The following COBLL1 variants were observed in gnomAD, a reference collection of about 807,000 sequenced individuals.
COBLL1 encodes the protein cordon-bleu WH2 repeat protein like 1.
A neutral mutation model predicts 94.8 loss-of-function variants in COBLL1; 50 were observed. The observed-to-expected ratio is 0.53, with a 90% CI of 0.42 to 0.67. COBLL1 has a LOEUF of 0.67. COBLL1 is among the 30% of genes least tolerant of loss of function. The probability of loss-of-function intolerance (pLI) is 0.00; values close to 1 mark genes in which losing one functional copy is unlikely to be tolerated. For missense variants in COBLL1, 1,362 were observed against 1,348.7 expected (o/e 1.01, Z -0.15); for synonymous variants, 448 against 473.8 (o/e 0.95, Z 0.71).
At chr2:164,780,679 C>T (rs574019077) in intron 2 of COBLL1, among the ~76,000 whole-genome samples, 23 of 152,246 alleles carry the variant, frequency 1.5e-4, no homozygotes, top group African/African-American at 3.6e-4. Flanking sequence ...CTATTTATTC[C>T]ACAACCATTC....
chr2:164,806,255 C>T (rs1684150184), intron 2 of COBLL1, among the ~76,000 whole-genome samples: 1 of 152,066 alleles, frequency 6.6e-6, no homozygotes, highest in Non-Finnish European at 1.5e-5. Context: ...TATCTGTGTA[C>T]CACAAAACTG....
Position 164,680,225 on chromosome 2 carries a change from T to C in COBLL1, c.*5721A>G, listed in dbSNP as rs1191847126. On this transcript the variant is annotated 3_prime_UTR_variant, in exon 14 of 14. Transcript: ENST00000652658. ...AATAATTTATTTATTGACTTTATTATAATTTCAAACATGCAGACAAGTTAA... is the reference window on the plus strand; with the variant it reads ...AATAATTTATTTATTGACTTTATTACAATTTCAAACATGCAGACAAGTTAA... The C allele has an allele frequency of 1.3e-5, 2 of 151,874 alleles. No individual in the cohort carries two copies. Among genetic ancestry groups the C allele is most frequent in the East Asian group, 3.9e-4 (2 of 5,194 alleles). 9.4% of individuals were successfully genotyped at this position (151,874 alleles called of 1,614,324 possible). A position where few individuals can be genotyped will look rare whatever the true frequency, so the allele number is the denominator to read the frequency against.
At chr2:164,660,267 T>C (rs926486932) in intron 2 of COBLL1, among the ~76,000 whole-genome samples, 3 of 152,200 alleles carry the variant, frequency 2.0e-5, no homozygotes, top group Admixed American at 2.0e-4. Context: ...ATTAAGGCTG[T>C]ACGAGTTTGG....
intron 2 of COBLL1, among the ~76,000 whole-genome samples, chr2:164,757,505 G>T (rs1010700234): frequency 1.3e-5 from 2 of 151,952 alleles, no homozygotes; most frequent in Admixed American, 6.6e-5. Context: ...TTTTTACTGA[G>T]ATACAATTTA....
intron 2 of COBLL1, among the ~76,000 whole-genome samples, chr2:164,803,437 C>T (rs1012635862): frequency 4.0e-5 from 6 of 150,180 alleles, no homozygotes; most frequent in Non-Finnish European, 7.5e-5. Flanking sequence ...TAGTGGCGGG[C>T]GCCTGTAGTC....
intron 7 of COBLL1, among the ~76,000 whole-genome samples, chr2:164,721,580 C>T (rs779251757): frequency 1.2e-4 from 19 of 152,084 alleles, no homozygotes; most frequent in Non-Finnish European, 2.1e-4. Flanking sequence ...TTTCTTTTTT[C>T]ACTGTGGAGT....
Position 164,672,457 on chromosome 2 carries a change from G to A in COBLL1, n.127-6556C>T, listed in dbSNP as rs1400259922. ...CTCACGCCTGTAATCCCAGCACTTT[G>A]GGAGGCCGAGGCGGGTGGATCATGA... On this transcript the variant is annotated intron_variant and non_coding_transcript_variant, in intron 1 of 2. Transcript: ENST00000495084. Among the ~76,000 whole-genome samples, 4 of 152,026 alleles carry A rather than the reference G, an allele frequency of 2.6e-5. No homozygotes were observed. In the East Asian group the frequency reaches 7.7e-4, roughly 29 times the overall value.
In COBLL1 at chr2:164,841,301, G is replaced by A. The variant is rs969605222; in HGVS notation, c.-50-55C>T. 60 of 1,214,718 alleles carry A rather than the reference G, an allele frequency of 4.9e-5. No homozygotes were observed. The highest frequency in any genetic ancestry group is 6.0e-5 in the Non-Finnish European group (59 of 977,040). The allele number at this position is 1,214,718 out of a possible 1,614,324, so 75.2% of individuals were successfully genotyped here. On this transcript the variant is annotated intron_variant, in intron 1 of 13. Coordinates refer to ENST00000652658, the MANE Select transcript of COBLL1 (RefSeq NM_001365672.2). This position sits in a 1 kb window ranked among gnomAD's most constrained non-coding sequence, Gnocchi z 5.5. ...CGGGACGCGCGCCTTCCCGAGGCCGGAGCGAAGCTGGCTGAGCGTCAAGAG... is the reference window on the plus strand; with the variant it reads ...CGGGACGCGCGCCTTCCCGAGGCCGAAGCGAAGCTGGCTGAGCGTCAAGAG...
intron 2 of COBLL1, among the ~76,000 whole-genome samples, chr2:164,776,195 A>C (rs1688454611): frequency 6.6e-6 from 1 of 151,212 alleles, no homozygotes; most frequent in South Asian, 2.1e-4. Context: ...CCATGTCACC[A>C]TCTTAAAATG....
intron 12 of COBLL1, 90 bp downstream of exon 12, chr2:164,694,179 A>T: frequency 8.1e-7 from 1 of 1,242,092 alleles, no homozygotes; most frequent in Non-Finnish European, 1.1e-6. Flanking sequence ...GTTCAGAGTT[A>T]AGTAGCACAC....
chr2:164,818,337 T>TAA (rs1684942418), intron 2 of COBLL1, among the ~76,000 whole-genome samples: 4 of 149,694 alleles, frequency 2.7e-5, no homozygotes, highest in African/African-American at 9.9e-5. Context: ...TACATATATG[T>TAA]ATATATACAT....
Position 164,779,719 on chromosome 2 carries a change from A to C in COBLL1, c.42-35844T>G, listed in dbSNP as rs901027169. On this transcript the variant is annotated intron_variant, in intron 2 of 13. Transcript: ENST00000652658. ...AAGTCCCCTTTTAGCTCCTCCAAAC[A>C]GAGACCACACAGACTAGGGCCTTCC... 7.9e-5 allele frequency: 37 copies of C among 470,898 alleles called. No individual in the cohort carries two copies. In the Admixed American group the frequency reaches 8.5e-4, roughly 11 times the overall value. The allele number at this position is 470,898 out of a possible 1,614,324, so 29.2% of individuals were successfully genotyped here.
intron 7 of COBLL1, among the ~76,000 whole-genome samples, chr2:164,711,393 T>C (rs1365273422): frequency 6.6e-6 from 1 of 152,204 alleles, no homozygotes. Flanking sequence ...TACTCTCTGG[T>C]GACTGTGTTG....
chr2:164,698,414 G>A (rs1040198086), intron 11 of COBLL1: 6 of 150,076 alleles, frequency 4.0e-5, no homozygotes, highest in African/African-American at 1.5e-4. Flanking sequence ...ATATATATAA[G>A]TATGACATTG....
At chr2:164,786,468 T>C (rs1688961137) in intron 2 of COBLL1, among the ~76,000 whole-genome samples, 1 of 152,110 alleles carries the variant, frequency 6.6e-6, no homozygotes, top group Admixed American at 6.5e-5. Flanking sequence ...AACTGAGACA[T>C]TTCTGGAAAA....
rs763920574 is a variant in COBLL1 at position 164,722,420 on chromosome 2, C to T, written c.759+5G>A. 73 of 1,509,066 alleles carry T rather than the reference C, an allele frequency of 4.8e-5. No individual in the cohort carries two copies. The highest frequency in any genetic ancestry group is 6.4e-5 in the Non-Finnish European group (72 of 1,123,486). 93.5% of individuals were successfully genotyped at this position (1,509,066 alleles called of 1,614,324 possible). On this transcript the variant is annotated splice_donor_5th_base_variant and intron_variant, in intron 6 of 13. Transcript: ENST00000652658. Reference sequence around the variant, plus strand: ...TTACAAAATGCAATATAAGAAAATACTTACTTGGTCTCGCTTTTTCTTACT... The same window carrying T: ...TTACAAAATGCAATATAAGAAAATATTTACTTGGTCTCGCTTTTTCTTACT...
intron 2 of COBLL1, among the ~76,000 whole-genome samples, chr2:164,762,064 G>A (rs571361627): frequency 6.6e-6 from 1 of 152,330 alleles, no homozygotes; most frequent in African/African-American, 2.4e-5. Context: ...CCTCTGAAAT[G>A]CTAGCTCATT....
intron 1 of COBLL1, among the ~76,000 whole-genome samples, chr2:164,668,426 T>G (rs985668959): frequency 6.6e-5 from 10 of 152,176 alleles, no homozygotes; most frequent in Non-Finnish European, 1.2e-4. Context: ...TAGGGAGGCC[T>G]GAGGAGACAA....
At chr2:164,805,311 CTCTCTCTCTCTCTCTCTCTCTCTCTCTA>C (rs1559033243) in intron 2 of COBLL1, among the ~76,000 whole-genome samples, 1 of 34,748 alleles carries the variant, frequency 2.9e-5, no homozygotes, top group Non-Finnish European at 5.6e-5. Flanking sequence ...CTCTCTCTCT[CTCTCTCTCTCTCTCTCTCTCTCTCTCTA>C]TATATATATA....
Sources: gnomAD v4.1 joint callset for allele counts (sites outside exome capture counted in the v4.1 genomes callset) on GRCh38, gnomAD v4.1.1 for gene constraint, Gnocchi (gnomAD v3.1) non-coding constraint, MANE v1.5 for transcripts, NCBI Gene and HGNC (gene_info 2026-07-23, HGNC 2026-07-21) for gene names.